Variants in ARHGAP6 observed in about 807,000 individuals in gnomAD.
ARHGAP6 encodes rho GTPase-activating protein 6.
ARHGAP6 carries 16 observed loss-of-function variants against 55.7 expected under a neutral mutation model. The ratio of observed to expected loss-of-function variants is 0.29; its 90% CI spans 0.19 to 0.44. The LOEUF is 0.44. Ranked by LOEUF, ARHGAP6 falls within the 20% of genes least tolerant of loss-of-function variation. The probability of loss-of-function intolerance (pLI) is 1.00; values close to 1 mark genes in which losing one functional copy is unlikely to be tolerated. For synonymous variants in ARHGAP6, 382 were observed against 360.9 expected, an observed-to-expected ratio of 1.06 and a Z score of -0.66; for missense variants, 698 against 808.9, an observed-to-expected ratio of 0.86 and a Z score of 1.66.
chrX:11,362,062 G>A (rs1450009341), intron 1 of ARHGAP6, among the ~76,000 whole-genome samples: 1 of 112,008 alleles, frequency 8.9e-6, no homozygotes, highest in African/African-American at 3.3e-5. Context: ...TGGTGGGACT[G>A]CAAACTAGTT....
rs1016801577 is a variant in ARHGAP6, at chrX:11,309,905, A to G, written c.589-55198T>C. Among the ~76,000 whole-genome samples the G allele has an allele frequency of 4.5e-5, 5 of 111,381 alleles. No homozygotes were observed. In the Admixed American group the frequency reaches 4.8e-4, roughly 11 times the overall value. ...TGAGGCTCATGCCGGTAATCCCAGC[A>G]TTTTGAGAGGCCAAGGTGGGCGGAT... On this transcript the variant is annotated intron_variant, in intron 1 of 12. Coordinates refer to ENST00000337414, the MANE Select transcript of ARHGAP6 (RefSeq NM_013427.3).
chrX:11,578,042 A>G (rs1157244902), intron 1 of ARHGAP6, among the ~76,000 whole-genome samples: 2 of 111,681 alleles, frequency 1.8e-5, no homozygotes, highest in Non-Finnish European at 3.8e-5. Flanking sequence ...AAGAAGGAAG[A>G]AAAGGAGAAA....
chrX:11,522,948 C>A (rs2050948484), intron 1 of ARHGAP6, among the ~76,000 whole-genome samples: 1 of 111,536 alleles, frequency 9.0e-6, no homozygotes, highest in South Asian at 3.8e-4. Flanking sequence ...GAATTTTAGA[C>A]CAATATCCCT....
chrX:11,228,445 G>A (rs1165156726), intron 2 of ARHGAP6, among the ~76,000 whole-genome samples: 2 of 111,853 alleles, frequency 1.8e-5, no homozygotes, highest in African/African-American at 6.5e-5. Flanking sequence ...AATTTACCCT[G>A]TTTAAAACCT....
At chrX:11,597,073 G>C (rs5979428) in intron 1 of ARHGAP6, among the ~76,000 whole-genome samples, 19,809 of 110,963 alleles carry the variant, frequency 0.18, 1,459 homozygotes, top group African/African-American at 0.25. Context: ...TATACCCTTT[G>C]ATTTAAATTA....
At chrX:11,216,872 C>T (rs906064715) in intron 2 of ARHGAP6, among the ~76,000 whole-genome samples, 9 of 110,216 alleles carry the variant, frequency 8.2e-5, no homozygotes, top group African/African-American at 2.7e-4. Context: ...CCCTAGCCCT[C>T]CACCCCCGAC....
chrX:11,248,913 C>G (rs2047386515), intron 2 of ARHGAP6, among the ~76,000 whole-genome samples: 1 of 111,725 alleles, frequency 9.0e-6, no homozygotes, highest in Non-Finnish European at 1.9e-5. Context: ...AATCTCGCTA[C>G]TGGGCATTTA....
intron 1 of ARHGAP6, among the ~76,000 whole-genome samples, chrX:11,576,348 G>T (rs1569405062): frequency 9.0e-6 from 1 of 111,730 alleles, no homozygotes; most frequent in Non-Finnish European, 1.9e-5. Flanking sequence ...CTTTGCTCAA[G>T]GTTCACATTA....
chrX:11,300,352 A>AC (rs34552003), intron 1 of ARHGAP6, among the ~76,000 whole-genome samples: 1 of 111,273 alleles, frequency 9.0e-6, no homozygotes, highest in Non-Finnish European at 1.9e-5. Context: ...TGCAAGACGT[A>AC]CCCCCCAAAA....
At chrX:11,477,106 A>T (rs1358317461) in intron 1 of ARHGAP6, among the ~76,000 whole-genome samples, 1 of 110,162 alleles carries the variant, frequency 9.1e-6, no homozygotes, top group African/African-American at 3.3e-5. Flanking sequence ...GTATACAGAG[A>T]GATCTTACAA....
chrX:11,155,103 G>A (rs1363256363), intron 10 of ARHGAP6, among the ~76,000 whole-genome samples: 2 of 111,639 alleles, frequency 1.8e-5, no homozygotes, highest in African/African-American at 6.5e-5. Flanking sequence ...TAATGACCTG[G>A]GAAAGAAGGA....
At chrX:11,140,721 C>T (rs780384243) in intron 12 of ARHGAP6, among the ~76,000 whole-genome samples, 1 of 111,838 alleles carries the variant, frequency 8.9e-6, no homozygotes, top group Non-Finnish European at 1.9e-5. Context: ...TAGGTTAAGC[C>T]ACTGCCCCAT....
chrX:11,294,261 A>C (rs1328757153), intron 1 of ARHGAP6, among the ~76,000 whole-genome samples: 1 of 112,348 alleles, frequency 8.9e-6, no homozygotes, highest in African/African-American at 3.2e-5. Flanking sequence ...AATTTCTGGA[A>C]CTAAAATCTA....
chrX:11,522,467 A>G (rs1326798113), intron 1 of ARHGAP6, among the ~76,000 whole-genome samples: 1 of 111,470 alleles, frequency 9.0e-6, no homozygotes, highest in African/African-American at 3.3e-5. Context: ...TGAAAAGATC[A>G]ACAAAATCGA....
At chrX:11,162,802 G>T (rs1415470074) in intron 9 of ARHGAP6, among the ~76,000 whole-genome samples, 3 of 111,768 alleles carry the variant, frequency 2.7e-5, no homozygotes, top group Non-Finnish European at 3.8e-5. Flanking sequence ...ATTATCATCA[G>T]ATTTTTTCTA....
intron 1 of ARHGAP6, among the ~76,000 whole-genome samples, chrX:11,378,416 A>C (rs890740059): frequency 4.4e-5 from 5 of 112,474 alleles, no homozygotes; most frequent in Non-Finnish European, 9.4e-5. Context: ...AAGTGTGATC[A>C]GGAGAGAAAC....
chrX:11,404,329 A>G (rs1397454804), intron 1 of ARHGAP6, among the ~76,000 whole-genome samples: 3 of 111,626 alleles, frequency 2.7e-5, no homozygotes, highest in Non-Finnish European at 5.6e-5. Flanking sequence ...CCGATTCTAC[A>G]TAATCCAGCC....
At chrX:11,646,909 C>A (rs983241898) in intron 1 of ARHGAP6, among the ~76,000 whole-genome samples, 7 of 112,152 alleles carry the variant, frequency 6.2e-5, no homozygotes, top group East Asian at 2.8e-4. Context: ...TTTAAAGGAA[C>A]CTTTATATTT....
chrX:11,174,522 C>CT (rs1394957619), intron 8 of ARHGAP6, among the ~76,000 whole-genome samples: 2 of 42,024 alleles, frequency 4.8e-5, no homozygotes, highest in Admixed American at 2.7e-4. Flanking sequence ...TCTTTCTTTC[C>CT]TTCCTTCCTT....
Sources: allele counts gnomAD v4.1 joint callset (sites outside exome capture counted in the v4.1 genomes callset), GRCh38; gene constraint gnomAD v4.1.1; transcripts MANE v1.5; gene names NCBI Gene and HGNC (gene_info 2026-07-23, HGNC 2026-07-21).